ABCC1: variants seen among roughly 807,000 people sequenced by gnomAD.
The protein encoded by ABCC1 is ATP binding cassette subfamily C member 1 (ABCC1 blood group).
ABCC1 carries 83 observed loss-of-function variants against 172.9 expected under a neutral mutation model. That is an observed-to-expected ratio of 0.48 (90% confidence interval 0.40 to 0.58). ABCC1 has a LOEUF of 0.58. Ranked by LOEUF, ABCC1 falls within the 20% of genes least tolerant of loss-of-function variation. The pLI, the probability that ABCC1 is intolerant of heterozygous loss-of-function variation, is 0.00. For synonymous variants in ABCC1, 937 were observed against 825.2 expected, an observed-to-expected ratio of 1.14 and a Z score of -2.32; for missense variants, 1,817 against 2,002.7, an observed-to-expected ratio of 0.91 and a Z score of 1.77.
At chr16:15,991,495 C>T (rs1004657593) in intron 1 of ABCC1, among the ~76,000 whole-genome samples, 6 of 152,246 alleles carry the variant, frequency 3.9e-5, no homozygotes, top group Middle Eastern at 6.8e-3. Context: ...TGGCACCTCT[C>T]GGCTCTTCTG....
At chr16:16,052,948 G>A in intron 11 of ABCC1, 132 bp downstream of exon 11, 2 of 775,752 alleles carry the variant, frequency 2.6e-6, no homozygotes, top group South Asian at 3.5e-5. Context: ...CTCACTTGGG[G>A]AGCCTTAACA....
Position 16,070,283 on chromosome 16 carries a change from G to A in ABCC1, c.1825-1359G>A, listed in dbSNP as rs144200036. Among the ~76,000 whole-genome samples, 624 of 151,382 alleles carry A rather than the reference G, an allele frequency of 4.1e-3. 3 individuals carry two copies. The highest frequency in any genetic ancestry group is 0.014 in the African/African-American group (584 of 41,238). ...CATGGGAGGCTGAGGCAGAAGGATC[G>A]CTTGAGCCTAGGAGTTTGAGGCTGC... On this transcript the variant is annotated intron_variant, in intron 13 of 30. Coordinates refer to ENST00000399410, the MANE Select transcript of ABCC1 (RefSeq NM_004996.4).
chr16:16,055,275 GGGTGCGGTGGCTCACACC>G (rs1473977851), intron 11 of ABCC1, among the ~76,000 whole-genome samples: 1 of 151,920 alleles, frequency 6.6e-6, no homozygotes, highest in Non-Finnish European at 1.5e-5. Flanking sequence ...AAAACAGGCT[GGGTGCGGTGGCTCACACC>G]TGTAATCCCA....
At chr16:16,026,958 A>G (rs2048397670) in intron 5 of ABCC1, among the ~76,000 whole-genome samples, 1 of 152,032 alleles carries the variant, frequency 6.6e-6, no homozygotes, top group African/African-American at 2.4e-5. Flanking sequence ...TCTGTCTGTC[A>G]ATGTCCTTGT....
At chr16:16,000,482 G>A (rs953560352) in intron 1 of ABCC1, among the ~76,000 whole-genome samples, 1 of 152,116 alleles carries the variant, frequency 6.6e-6, no homozygotes, top group African/African-American at 2.4e-5. Context: ...ACTGAAGCTT[G>A]GAGAAATTAA....
At chr16:15,992,892 C>T (rs1003562041) in intron 1 of ABCC1, among the ~76,000 whole-genome samples, 2 of 152,118 alleles carry the variant, frequency 1.3e-5, no homozygotes, top group African/African-American at 4.8e-5. Context: ...GCCATATCCT[C>T]CCCCCACCCC....
At chr16:16,098,884 A>G (rs1459619362) in intron 19 of ABCC1, 3 of 1,352,058 alleles carry the variant, frequency 2.2e-6, no homozygotes, top group East Asian at 4.5e-5. Context: ...CAGCACAGTG[A>G]TGGACGAGGA....
chr16:16,072,737 T>C (rs1404276096), intron 14 of ABCC1, among the ~76,000 whole-genome samples: 2 of 151,946 alleles, frequency 1.3e-5, no homozygotes, highest in Non-Finnish European at 2.9e-5. Flanking sequence ...ACCATCTCTC[T>C]AGGCACTTAA....
At chr16:16,027,646 C>A (rs1305895445) in intron 5 of ABCC1, among the ~76,000 whole-genome samples, 2 of 152,086 alleles carry the variant, frequency 1.3e-5, no homozygotes, top group African/African-American at 4.8e-5. Flanking sequence ...AATTCTGTCT[C>A]TACAAAAAAT....
At position 16,135,836 on chromosome 16, in the gene ABCC1, C is replaced by G. The variant is rs113850397; in HGVS notation, c.4126-642C>G. ...TTTAGTGTAATCTTCCCTAAAGTGTCTTAGAAGATTCTCTTCTGTGGTTGG... is the reference window on the plus strand; with the variant it reads ...TTTAGTGTAATCTTCCCTAAAGTGTGTTAGAAGATTCTCTTCTGTGGTTGG... On this transcript the variant is annotated intron_variant, in intron 28 of 30. Transcript: ENST00000399410. Among the ~76,000 whole-genome samples the G allele has an allele frequency of 2.0e-5, 3 of 152,230 alleles. 1 individual carries two copies. The highest frequency in any genetic ancestry group is 7.2e-5 in the African/African-American group (3 of 41,532).
intron 1 of ABCC1, among the ~76,000 whole-genome samples, chr16:15,999,646 A>G (rs998952782): frequency 6.7e-5 from 10 of 148,164 alleles, no homozygotes; most frequent in African/African-American, 2.2e-4. Flanking sequence ...AAAGAAAAAT[A>G]AAAGAAATGG....
At chr16:15,981,647 T>C (rs997024548) in intron 1 of ABCC1, among the ~76,000 whole-genome samples, 2 of 152,132 alleles carry the variant, frequency 1.3e-5, no homozygotes, top group Non-Finnish European at 2.9e-5. Flanking sequence ...AATCATTTTT[T>C]CCTCCTAGAC....
intron 10 of ABCC1, among the ~76,000 whole-genome samples, chr16:16,051,156 T>A (rs1011693942): frequency 1.3e-4 from 20 of 151,784 alleles, no homozygotes; most frequent in South Asian, 2.1e-4. Flanking sequence ...CTTTTTTTTT[T>A]GTTCTTGTTA....
chr16:16,031,544 G>GCAGTGTAGACTGTGCACAGCCTC (rs2048558010), intron 5 of ABCC1, among the ~76,000 whole-genome samples: 1 of 152,146 alleles, frequency 6.6e-6, no homozygotes, highest in Non-Finnish European at 1.5e-5. Context: ...TATGTGGCCT[G>GCAGTGTAGACTGTGCACAGCCTC]CAGTGTAGAC....
chr16:16,085,900 G>A (rs1160753083), intron 17 of ABCC1, among the ~76,000 whole-genome samples: 1 of 152,202 alleles, frequency 6.6e-6, no homozygotes, highest in Non-Finnish European at 1.5e-5. Flanking sequence ...GGGAAACGAC[G>A]TTGGCTTATC....
chr16:16,098,714 G>A (rs1368839829), intron 19 of ABCC1, among the ~76,000 whole-genome samples: 1 of 152,226 alleles, frequency 6.6e-6, no homozygotes, highest in African/African-American at 2.4e-5. Context: ...GCACGTGTGG[G>A]ATGGGGAAAC....
Position 16,124,812 on chromosome 16 carries a change from G to A in ABCC1, c.3614G>A (p.Cys1205Tyr), listed in dbSNP as rs1469859200. The change falls in exon 25 of 31, where the codon TGT becomes TAT. Residue 1205 changes from cysteine to tyrosine, a missense_variant. Cys to Tyr is a radical substitution (Grantham distance 194). Coordinates refer to ENST00000399410, the MANE Select transcript of ABCC1 (RefSeq NM_004996.4). ...AGGTGGCTGGCCGTGCGGCTGGAGTGTGTGGGCAACTGCATCGTTCTGTTT... is the reference window on the plus strand; with the variant it reads ...AGGTGGCTGGCCGTGCGGCTGGAGTATGTGGGCAACTGCATCGTTCTGTTT... ...ANRWLAVRLE[C>Y]VGNCIVLFAA... 2 of 1,614,190 alleles carry A rather than the reference G, an allele frequency of 1.2e-6. No homozygotes were observed. Among genetic ancestry groups the A allele is most frequent in the Non-Finnish European group, 1.7e-6 (2 of 1,180,042 alleles).
At chr16:15,966,499 G>A (rs963528617) in intron 1 of ABCC1, among the ~76,000 whole-genome samples, 1 of 151,838 alleles carries the variant, frequency 6.6e-6, no homozygotes, top group Non-Finnish European at 1.5e-5. Flanking sequence ...AATTGGAGCT[G>A]TCTGGCACTG....
intron 10 of ABCC1, among the ~76,000 whole-genome samples, chr16:16,050,968 G>C (rs766005232): frequency 2.0e-5 from 3 of 152,042 alleles, no homozygotes; most frequent in Non-Finnish European, 4.4e-5. Flanking sequence ...GTCCACTTTT[G>C]TAAAAGTGCT....
Sources: allele counts gnomAD v4.1 joint callset (sites outside exome capture counted in the v4.1 genomes callset), GRCh38; gene constraint gnomAD v4.1.1; transcripts MANE v1.5; gene names NCBI Gene and HGNC (gene_info 2026-07-23, HGNC 2026-07-21).